Variants in MEIOSIN observed in about 807,000 individuals in gnomAD.
MEIOSIN encodes meiosis initiator, also known as meiosis initiator protein.
Under a neutral mutation model 23.4 loss-of-function variants are expected in MEIOSIN, and 18 were observed. That is an observed-to-expected ratio of 0.77 (90% CI 0.53 to 1.14). The LOEUF (loss-of-function observed/expected upper bound fraction) is 1.14. MEIOSIN is among the 50% of genes most tolerant of loss of function. MEIOSIN has a pLI of 0.00. For missense variants in MEIOSIN, 428 were observed against 242.9 expected (o/e 1.76, Z -5.07); for synonymous variants, 187 against 100.6 (o/e 1.86, Z -5.14).
intron 3 of MEIOSIN, among the ~76,000 whole-genome samples, chr19:45,742,174 C>T (rs1968517516): frequency 6.6e-6 from 1 of 151,852 alleles, no homozygotes; most frequent in Non-Finnish European, 1.5e-5. Context: ...CCACGCCCAG[C>T]TTAAAAGTTT....
At chr19:45,749,977 C>T (rs1968667215) in intron 4 of MEIOSIN, among the ~76,000 whole-genome samples, 1 of 147,508 alleles carries the variant, frequency 6.8e-6, no homozygotes, top group Admixed American at 6.8e-5. Flanking sequence ...GCACTCCAGC[C>T]TGGGCAACAT....
intron 8 of MEIOSIN, 50 bp from the exon 9 acceptor site, chr19:45,757,127 T>C: frequency 2.9e-6 from 2 of 696,524 alleles, no homozygotes; most frequent in South Asian, 1.5e-5. Flanking sequence ...CCCATAGCAG[T>C]TTCTAGCCCA....
chr19:45,756,031 A>G lies in MEIOSIN; in HGVS notation c.864A>G (p.Glu288=), dbSNP rs1460548670. 2.8e-6 allele frequency: 2 copies of G among 702,932 alleles called. No individual in the cohort carries two copies. The highest frequency in any genetic ancestry group is 3.0e-5 in the South Asian group (2 of 67,582). The allele number at this position is 702,932 out of a possible 1,614,324, so 43.5% of individuals were successfully genotyped here. Residue 288 remains glutamate (E), a synonymous_variant, in exon 8 of 15, where the codon GAA becomes GAG. Transcript: ENST00000457052. ...DAPFPALLAQ[E]DVARIHFLNK... is the part of the protein sequence containing the mutation. ...CTTTCCCTGCGCTCCTGGCTCAGGAAGATGTGGCGAGGATCCATTTTCTCA... is the reference window on the plus strand; with the variant it reads ...CTTTCCCTGCGCTCCTGGCTCAGGAGGATGTGGCGAGGATCCATTTTCTCA...
At position 45,751,272 on chromosome 19, in the gene MEIOSIN, AAATAATAAT is replaced by A. The variant is rs145142679; in HGVS notation, c.418+518_418+526del. ...GGGCAACAGAGCAAGACTGTGTCTC[AAATAATAAT>A]AATAATAATAATAATAATAATAATA... On this transcript the variant is annotated intron_variant, in intron 5 of 14. Coordinates refer to ENST00000457052, the MANE Select transcript of MEIOSIN (RefSeq NM_001310124.2). 8.7e-3 allele frequency among the ~76,000 whole-genome samples: 1,180 copies of A among 136,406 alleles called. 12 individuals are homozygous for A. Among genetic ancestry groups the A allele is most frequent in the Middle Eastern group, 0.015 (4 of 274 alleles). 89.5% of individuals were successfully genotyped at this position (136,406 alleles called of 152,430 possible). A position where few individuals can be genotyped will look rare whatever the true frequency, so the allele number is the denominator to read the frequency against.
chr19:45,745,196 C>G lies in MEIOSIN; in HGVS notation c.181C>G (p.Gln61Glu), dbSNP rs767825504. 4.3e-6 allele frequency: 3 copies of G among 702,712 alleles called. No individual in the cohort carries two copies. The highest frequency in any genetic ancestry group is 7.8e-6 in the Non-Finnish European group (3 of 384,986). 43.5% of individuals were successfully genotyped at this position (702,712 alleles called of 1,614,324 possible). A position where few individuals can be genotyped will look rare whatever the true frequency, so the allele number is the denominator to read the frequency against. ...CCAGCTCCTGTCCCCAAACAGGAAT[C>G]AGAGGAACCAAAACAAGCTCCTGTC... The part of the protein sequence containing the change: ...KWLLKGKLRN[Q>E]RNQNKLLSPN... The change falls in exon 4 of 15, where the codon CAG (glutamine) becomes GAG (glutamate). Residue 61 changes from glutamine (Q) to glutamate (E), a missense_variant. Coordinates refer to ENST00000457052, the MANE Select transcript of MEIOSIN (RefSeq NM_001310124.2).
chr19:45,764,157 G>A lies in MEIOSIN; in HGVS notation c.*39G>A, dbSNP rs1269342313. 4 of 398,482 alleles carry A rather than the reference G, an allele frequency of 1.0e-5. No individual in the cohort carries two copies. Among genetic ancestry groups the A allele is most frequent in the Non-Finnish European group, 8.8e-6 (2 of 226,044 alleles). 24.7% of individuals were successfully genotyped at this position (398,482 alleles called of 1,614,324 possible). A position where few individuals can be genotyped will look rare whatever the true frequency, so the allele number is the denominator to read the frequency against. On this transcript the variant is annotated 3_prime_UTR_variant, in exon 15 of 15. Coordinates refer to ENST00000457052, the MANE Select transcript of MEIOSIN (RefSeq NM_001310124.2). The stretch of plus-strand genomic sequence containing the variant: ...CGCCTCGCTCCCCTCACCCCTCATG[G>A]CAACCGCGGCTCTTGCTGGAAGCCA...
chr19:45,750,361 T>TTTTC (rs1968677760), intron 4 of MEIOSIN, among the ~76,000 whole-genome samples: 1 of 36,354 alleles, frequency 2.8e-5, no homozygotes, highest in Admixed American at 3.4e-4. Flanking sequence ...TTTCTTTTTC[T>TTTTC]TTTTTTTTTT....
intron 4 of MEIOSIN, among the ~76,000 whole-genome samples, chr19:45,748,478 T>G (rs2146185474): frequency 6.6e-6 from 1 of 152,274 alleles, no homozygotes; most frequent in East Asian, 1.9e-4. Context: ...AGATGTTTGT[T>G]GAATGACTGA....
In MEIOSIN at chr19:45,750,707, T is replaced by A; in HGVS notation, c.339T>A (p.Ile113=). The A allele has an allele frequency of 4.7e-6, 3 of 634,858 alleles. No homozygotes were observed. Among genetic ancestry groups the A allele is most frequent in the Non-Finnish European group, 8.4e-6 (3 of 356,702 alleles). 39.3% of individuals were successfully genotyped at this position (634,858 alleles called of 1,614,324 possible). A position where few individuals can be genotyped will look rare whatever the true frequency, so the allele number is the denominator to read the frequency against. Residue 113 remains isoleucine, a synonymous_variant, in exon 5 of 15, where the codon ATT becomes ATA. Coordinates refer to ENST00000457052, the MANE Select transcript of MEIOSIN (RefSeq NM_001310124.2). ...KEILVHVLQY[I]QYLQRNIDAA... is the part of the protein sequence containing the mutation. Reference sequence around the variant, plus strand: ...TTCTGGTGCATGTCCTGCAGTACATTCAGTACCTCCAGAGAAACATCGATG... The same window carrying A: ...TTCTGGTGCATGTCCTGCAGTACATACAGTACCTCCAGAGAAACATCGATG...
intron 2 of MEIOSIN, among the ~76,000 whole-genome samples, chr19:45,738,174 A>G (rs1233352545): frequency 2.0e-5 from 3 of 152,156 alleles, no homozygotes; most frequent in South Asian, 2.1e-4. Context: ...CCTCCCTCCA[A>G]AGTCTGGATA....
chr19:45,739,791 C>A, intron 3 of MEIOSIN, 61 bp downstream of exon 3: 1 of 701,282 alleles, frequency 1.4e-6, no homozygotes, highest in South Asian at 1.5e-5. Flanking sequence ...GCCCATTGTT[C>A]AACACCTCTT....
At chr19:45,735,244 AG>A in intron 1 of MEIOSIN, 132 bp from the exon 2 acceptor site, 1 of 603,422 alleles carries the variant, frequency 1.7e-6, no homozygotes, top group South Asian at 1.9e-5. Context: ...TGTTGGGGCT[AG>A]GGACTCTTAT....
chr19:45,764,226 A>G lies in MEIOSIN; in HGVS notation c.*108A>G. On this transcript the variant is annotated 3_prime_UTR_variant, in exon 15 of 15. Transcript: ENST00000457052. ...GTCCCTCCTGGGCCTCCAGCCCCTG[A>G]GAATGCAGGTCCCATGGGACTGGGG... 1 of 398,022 alleles carries G rather than the reference A, an allele frequency of 2.5e-6. No homozygotes were observed. The allele number at this position is 398,022 out of a possible 1,614,324, so 24.7% of individuals were successfully genotyped here.
chr19:45,749,035 C>T (rs939276948), intron 4 of MEIOSIN, among the ~76,000 whole-genome samples: 1 of 149,028 alleles, frequency 6.7e-6, no homozygotes, highest in Non-Finnish European at 1.5e-5. Flanking sequence ...TACCACTGCA[C>T]TTCAGACTGG....
chr19:45,759,994 G>T (rs1172213556), intron 11 of MEIOSIN, among the ~76,000 whole-genome samples: 2 of 151,616 alleles, frequency 1.3e-5, no homozygotes, highest in Non-Finnish European at 2.9e-5. Context: ...AGAGATGGGG[G>T]TTCACCATGT....
At position 45,761,800 on chromosome 19, in the gene MEIOSIN, G is replaced by A. The variant is rs1968949232; in HGVS notation, c.1367G>A (p.Ser456Asn). Residue 456 changes from serine to asparagine, a missense_variant, in exon 12 of 15, where the codon AGC becomes AAC. Physicochemically the swap from Ser to Asn is conservative, Grantham distance 46. Transcript: ENST00000457052. ...SGNSKAPSSS[S>N]SSSSSSSSSE... is the part of the protein sequence containing the mutation. ...AACAGCAAGGCGCCATCCAGCTCCA[G>A]CTCCAGCTCCAGCTCCAGCTCCAGC... The A allele has an allele frequency of 1.4e-6, 1 of 696,200 alleles. No individual in the cohort carries two copies. Among genetic ancestry groups the A allele is most frequent in the African/African-American group, 1.8e-5 (1 of 56,994 alleles). 43.1% of individuals were successfully genotyped at this position (696,200 alleles called of 1,614,324 possible).
At position 45,754,479 on chromosome 19, in the gene MEIOSIN, A is replaced by C. The variant is rs1390211286; in HGVS notation, c.557A>C (p.Glu186Ala). ...GACACCTGAACCTCTGCTCCCCCAGAAAGCCAGACTCGGACCCCGAAGCCT... is the reference window on the plus strand; with the variant it reads ...GACACCTGAACCTCTGCTCCCCCAGCAAGCCAGACTCGGACCCCGAAGCCT... ...PRKKKLTQAS[E>A]SQTRTPKPRR... is the part of the protein sequence containing the mutation. Residue 186 changes from glutamate to alanine, a missense_variant and splice_region_variant, in exon 7 of 15, where the codon GAA becomes GCA. Glu to Ala is a moderately radical substitution (Grantham distance 107). Transcript: ENST00000457052. 2 of 701,140 alleles carry C rather than the reference A, an allele frequency of 2.9e-6. No individual in the cohort carries two copies. The highest frequency in any genetic ancestry group is 5.4e-5 in the East Asian group (2 of 37,224). The allele number at this position is 701,140 out of a possible 1,614,324, so 43.4% of individuals were successfully genotyped here.
intron 3 of MEIOSIN, among the ~76,000 whole-genome samples, chr19:45,744,344 C>T (rs1248099027): frequency 2.0e-5 from 3 of 151,978 alleles, no homozygotes; most frequent in Non-Finnish European, 4.4e-5. Context: ...TCCATAACAC[C>T]AAGCAACACT....
At chr19:45,751,946 T>G (rs1408322080) in intron 5 of MEIOSIN, among the ~76,000 whole-genome samples, 2 of 151,342 alleles carry the variant, frequency 1.3e-5, no homozygotes, top group African/African-American at 4.9e-5. Context: ...TTGGCCAGGC[T>G]GGTCTCAAAC....
Sources: allele counts gnomAD v4.1 joint callset (sites outside exome capture counted in the v4.1 genomes callset), GRCh38; gene constraint gnomAD v4.1.1; transcripts MANE v1.5; gene names NCBI Gene and HGNC (gene_info 2026-07-23, HGNC 2026-07-21).